The following DYNC1H1 variants were observed in gnomAD, a reference collection of about 807,000 sequenced individuals.
DYNC1H1 encodes the protein dynein cytoplasmic 1 heavy chain 1.
DYNC1H1 carries 51 observed loss-of-function variants against 527.1 expected under a neutral mutation model. That is an observed-to-expected ratio of 0.10 (90% CI 0.08 to 0.12). DYNC1H1 has a LOEUF of 0.12. Ranked by LOEUF, DYNC1H1 falls within the 10% of genes least tolerant of loss-of-function variation. The pLI, the probability that DYNC1H1 is intolerant of heterozygous loss-of-function variation, is 1.00. For synonymous variants in DYNC1H1, 2,189 were observed against 2,278.8 expected (o/e 0.96, Z 1.12); for missense variants, 2,771 against 5,971.8 (o/e 0.46, Z 17.66).
At position 102,017,408 on chromosome 14, in the gene DYNC1H1, G is replaced by T. The variant is rs1387895396; in HGVS notation, c.8081G>T (p.Arg2694Leu). 1.2e-6 allele frequency: 2 copies of T among 1,614,124 alleles called. No homozygotes were observed. The highest frequency in any genetic ancestry group is 1.7e-6 in the Non-Finnish European group (2 of 1,180,028). ...RQMVEHGGFY[R>L]TSDQTWVKLE... ...ATGGTGGAGCACGGAGGCTTTTACC[G>T]TACCTCAGATCAAACATGGGTGAAG... is the stretch of plus-strand genomic sequence containing the variant. The change falls in exon 40 of 78, where the codon CGT becomes CTT. Residue 2694 changes from arginine (R) to leucine (L), a missense_variant. Around this residue, in one of 32 missense-constraint regions of DYNC1H1, gnomAD observed 163 missense variants for 346.9 expected, o/e 0.47. Coordinates refer to ENST00000360184, the MANE Select transcript of DYNC1H1 (RefSeq NM_001376.5). This position sits in a 1 kb window ranked among gnomAD's most constrained non-coding sequence, Gnocchi z 4.6.
chr14:102,042,885 T>G lies in DYNC1H1; in HGVS notation c.12513+137T>G. Reference sequence around the variant, plus strand: ...CACAGCTGCTTTTGCTTTTCAGCTGTAGGTAAAATTTCCTTCCATGGCCGG... The same window carrying G: ...CACAGCTGCTTTTGCTTTTCAGCTGGAGGTAAAATTTCCTTCCATGGCCGG... On this transcript the variant is annotated intron_variant, in intron 69 of 77. Transcript: ENST00000360184. The surrounding 1 kb of genome is among the most constrained non-coding windows in gnomAD (Gnocchi z 5.7). 9.7e-7 allele frequency: 1 copy of G among 1,035,744 alleles called. No homozygotes were observed. Among genetic ancestry groups the G allele is most frequent in the Non-Finnish European group, 1.5e-6 (1 of 686,454 alleles). 64.2% of individuals were successfully genotyped at this position (1,035,744 alleles called of 1,614,324 possible). A position where few individuals can be genotyped will look rare whatever the true frequency, so the allele number is the denominator to read the frequency against.
Position 102,049,876 on chromosome 14 carries a change from G to A in DYNC1H1, c.13678G>A (p.Val4560Ile). 2.5e-6 allele frequency: 4 copies of A among 1,612,168 alleles called. No individual in the cohort carries two copies. Among genetic ancestry groups the A allele is most frequent in the Non-Finnish European group, 3.4e-6 (4 of 1,179,796 alleles). Residue 4560 changes from valine (V) to isoleucine (I), a missense_variant, in exon 76 of 78, where the codon GTC (valine) becomes ATC (isoleucine). Val to Ile is a conservative substitution (Grantham distance 29). This residue lies in a region of DYNC1H1 where 106 missense variants were observed against 139.2 expected (regional missense o/e 0.76). Transcript: ENST00000360184. The surrounding 1 kb of genome is among the most constrained non-coding windows in gnomAD (Gnocchi z 5.5). ...CACCCTTGACGCTTGCAGCTTCGGA[G>A]TCACGGGTGAGTGGAGTCTCACAGA... ...GATLDACSFG[V>I]TGLKLQGATC...
At chr14:102,048,847 T>C in intron 74 of DYNC1H1, 178 bp downstream of exon 74, 1 of 667,198 alleles carries the variant, frequency 1.5e-6, no homozygotes, top group South Asian at 1.8e-5. Flanking sequence ...TTAGAAATGC[T>C]GAAGAATTTG....
intron 43 of DYNC1H1, among the ~76,000 whole-genome samples, chr14:102,025,565 G>GAAAAAAAAAAAAAAAAAA (rs3067914): frequency 9.8e-6 from 1 of 102,342 alleles, no homozygotes; most frequent in Non-Finnish European, 1.9e-5. Flanking sequence ...CTGTCTCAAG[G>GAAAAAAAAAAAAAAAAAA]AAAAAAAAAA....
intron 72 of DYNC1H1, chr14:102,047,550 TAC>T (rs201482485): frequency 5.5e-4 from 122 of 222,788 alleles, no homozygotes; most frequent in Middle Eastern, 1.8e-3. Context: ...AATATATATA[TAC>T]ACACACACAC....
At chr14:102,040,094 C>A in intron 62 of DYNC1H1, 142 bp from the exon 63 acceptor site, 1 of 1,172,288 alleles carries the variant, frequency 8.5e-7, no homozygotes, top group Non-Finnish European at 1.3e-6. Context: ...ATCCGCCCAC[C>A]TCGGCCTCCC....
intron 25 of DYNC1H1, 22 bp downstream of exon 25, chr14:102,004,972 T>G (rs1486168153): frequency 6.2e-7 from 1 of 1,614,020 alleles, no homozygotes; most frequent in Non-Finnish European, 8.5e-7. Context: ...TAGAAGTGAG[T>G]GGGCTCGTGG....
In DYNC1H1 at chr14:102,026,565, T is replaced by C. The variant is rs1468196966; in HGVS notation, c.8638-9T>C. 1.2e-6 allele frequency: 2 copies of C among 1,613,974 alleles called. No individual in the cohort carries two copies. The highest frequency in any genetic ancestry group is 3.3e-5 in the Admixed American group (2 of 59,986). Reference sequence around the variant, plus strand: ...CTAAGTAATTTGGGTATTACCTTTTTTTCTATAGGATTACATCCCAGTAGA... The same window carrying C: ...CTAAGTAATTTGGGTATTACCTTTTCTTCTATAGGATTACATCCCAGTAGA... On this transcript the variant is annotated splice_polypyrimidine_tract_variant and intron_variant, in intron 43 of 77. Transcript: ENST00000360184.
At position 101,964,706 on chromosome 14, in the gene DYNC1H1, G is replaced by A. The variant is rs757038886; in HGVS notation, c.15G>A (p.Gly5=). The A allele has an allele frequency of 1.0e-5, 16 of 1,595,416 alleles. No individual in the cohort carries two copies. The highest frequency in any genetic ancestry group is 1.4e-5 in the Non-Finnish European group (16 of 1,175,748). The change falls in exon 1 of 78, where the codon GGG becomes GGA. Residue 5 remains glycine, a synonymous_variant. Coordinates refer to ENST00000360184, the MANE Select transcript of DYNC1H1 (RefSeq NM_001376.5). This position sits in a 1 kb window ranked among gnomAD's most constrained non-coding sequence, Gnocchi z 5.5. ...AGCGCGACACCATGTCGGAGCCCGG[G>A]GGCGGCGGCGGCGAGGACGGCTCGG... MSEP[G]GGGGEDGSAG...
At position 102,050,612 on chromosome 14, in the gene DYNC1H1, TTTA is replaced by T; in HGVS notation, c.*52_*54del. 1 of 1,613,648 alleles carries T rather than the reference TTTA, an allele frequency of 6.2e-7. No individual in the cohort carries two copies. The highest frequency in any genetic ancestry group is 1.7e-5 in the Admixed American group (1 of 60,020). ...TAATAGTGAAAGTTGGTATTTAACA[TTTA>T]TTCATTTTTAAAATATTTGGAAGGT... On this transcript the variant is annotated 3_prime_UTR_variant, in exon 78 of 78. Coordinates refer to ENST00000360184, the MANE Select transcript of DYNC1H1 (RefSeq NM_001376.5).
chr14:102,008,247 C>T lies in DYNC1H1; in HGVS notation c.5887C>T (p.Leu1963=). The T allele has an allele frequency of 6.2e-7, 1 of 1,614,232 alleles. No individual in the cohort carries two copies. Among genetic ancestry groups the T allele is most frequent in the Non-Finnish European group, 8.5e-7 (1 of 1,180,050 alleles). The change falls in exon 29 of 78, where the codon CTG becomes TTG. Residue 1963 remains leucine, a synonymous_variant. Coordinates refer to ENST00000360184, the MANE Select transcript of DYNC1H1 (RefSeq NM_001376.5). Reference sequence around the variant, plus strand: ...GGGCTGCTTTGACGAGTTCAACCGCCTGGAGGAGCGGATGCTCTCGGCTGT... The same window carrying T: ...GGGCTGCTTTGACGAGTTCAACCGCTTGGAGGAGCGGATGCTCTCGGCTGT... The part of the protein sequence containing the change: ...AWGCFDEFNR[L]EERMLSAVSQ...
chr14:101,980,312 T>G lies in DYNC1H1; in HGVS notation c.775-52T>G, dbSNP rs1329501419. 1.4e-5 allele frequency: 23 copies of G among 1,600,026 alleles called. 1 individual carries two copies. The Admixed American group carries it at 1.5e-4, about 10-fold the overall frequency. On this transcript the variant is annotated intron_variant, in intron 4 of 77. Transcript: ENST00000360184. ...GCATGTGTTTTGTTAACGATATCTA[T>G]TCTACCTTGTTTAAATAGTGAATAC...
At chr14:102,032,967 G>C in intron 52 of DYNC1H1, 98 bp from the exon 53 acceptor site, 1 of 1,266,150 alleles carries the variant, frequency 7.9e-7, no homozygotes, top group Non-Finnish European at 1.2e-6. Context: ...GGGGCAATGA[G>C]ATGGGAGCTG....
rs949793982 is a variant in DYNC1H1, at chr14:102,050,894, A to C, written c.*331A>C. ...GCCCACGGCAGCCATGCCCCTCCCC[A>C]CCTCGCTTTCATCATGAGCTCGCTC... On this transcript the variant is annotated 3_prime_UTR_variant, in exon 78 of 78. Transcript: ENST00000360184. 10 of 376,440 alleles carry C rather than the reference A, an allele frequency of 2.7e-5. No homozygotes were observed. Among genetic ancestry groups the C allele is most frequent in the Non-Finnish European group, 4.1e-5 (8 of 197,180 alleles). 23.3% of individuals were successfully genotyped at this position (376,440 alleles called of 1,614,324 possible). A position where few individuals can be genotyped will look rare whatever the true frequency, so the allele number is the denominator to read the frequency against.
rs1318726169 is a variant in DYNC1H1 at position 101,994,221 on chromosome 14, T to C, written c.3053T>C (p.Phe1018Ser). ...TACGAATTGACTGAGGAAGAGAAAT[T>C]CTATCGGAATGCTTTAACACGGATG... Reference protein sequence around the residue: ...VHYELTEEEKFYRNALTRMPD... With the variant: ...VHYELTEEEKSYRNALTRMPD... The change falls in exon 12 of 78, where the codon TTC (phenylalanine) becomes TCC (serine). Residue 1018 changes from phenylalanine (F) to serine (S), a missense_variant. This residue lies in a region of DYNC1H1 where 179 missense variants were observed against 349.4 expected (regional missense o/e 0.51). Coordinates refer to ENST00000360184, the MANE Select transcript of DYNC1H1 (RefSeq NM_001376.5). 1.9e-6 allele frequency: 3 copies of C among 1,614,104 alleles called. No homozygotes were observed. The highest frequency in any genetic ancestry group is 2.5e-6 in the Non-Finnish European group (3 of 1,180,040).
chr14:102,036,391 C>CTA lies in DYNC1H1; in HGVS notation c.10755-96_10755-95dup. 1.3e-5 allele frequency: 20 copies of CTA among 1,534,876 alleles called. No homozygotes were observed. Among genetic ancestry groups the CTA allele is most frequent in the Non-Finnish European group, 1.7e-5 (19 of 1,113,876 alleles). Reference sequence around the variant, plus strand: ...ACCACTCTCGGGTGGTGGTAACAGCCTATCAATCAGGGTCTCTCATCAGGG... The same window carrying CTA: ...ACCACTCTCGGGTGGTGGTAACAGCCTATATCAATCAGGGTCTCTCATCAGGG... On this transcript the variant is annotated intron_variant, in intron 56 of 77. Transcript: ENST00000360184. This position sits in a 1 kb window ranked among gnomAD's most constrained non-coding sequence, Gnocchi z 5.6.
chr14:102,011,221 T>A lies in DYNC1H1; in HGVS notation c.6618+269T>A. On this transcript the variant is annotated intron_variant, in intron 32 of 77. Coordinates refer to ENST00000360184, the MANE Select transcript of DYNC1H1 (RefSeq NM_001376.5). This position sits in a 1 kb window ranked among gnomAD's most constrained non-coding sequence, Gnocchi z 5.3. The stretch of plus-strand genomic sequence containing the variant: ...CATGACTATATTGGAAAGTTGTTTA[T>A]ACTGATAAAAATTCTGCTTACCAGA... 2.0e-6 allele frequency: 1 copy of A among 489,154 alleles called. No individual in the cohort carries two copies. The highest frequency in any genetic ancestry group is 3.7e-6 in the Non-Finnish European group (1 of 268,114). 30.3% of individuals were successfully genotyped at this position (489,154 alleles called of 1,614,324 possible). A position where few individuals can be genotyped will look rare whatever the true frequency, so the allele number is the denominator to read the frequency against.
Position 101,994,528 on chromosome 14 carries a change from T to C in DYNC1H1, c.3157-145T>C, listed in dbSNP as rs578066892. On this transcript the variant is annotated intron_variant, in intron 12 of 77. Transcript: ENST00000360184. Reference sequence around the variant, plus strand: ...TGACGTTCAAGAATCTTTTTTGATATGAAAATTCTGAGAGTCTGAAGTGAG... The same window carrying C: ...TGACGTTCAAGAATCTTTTTTGATACGAAAATTCTGAGAGTCTGAAGTGAG... The C allele has an allele frequency of 4.1e-5, 55 of 1,325,596 alleles. No homozygotes were observed. In the Admixed American group the frequency reaches 7.8e-4, roughly 19 times the overall value. 82.1% of individuals were successfully genotyped at this position (1,325,596 alleles called of 1,614,324 possible).
rs2141285890 is a variant in DYNC1H1 at position 102,001,156 on chromosome 14, G to A, written c.4197G>A (p.Leu1399=). The A allele has an allele frequency of 2.5e-6, 4 of 1,614,170 alleles. No individual in the cohort carries two copies. Among genetic ancestry groups the A allele is most frequent in the Non-Finnish European group, 3.4e-6 (4 of 1,180,042 alleles). The change falls in exon 20 of 78, where the codon CTG becomes CTA. Residue 1399 remains leucine (L), a synonymous_variant. Transcript: ENST00000360184. The surrounding 1 kb of genome is among the most constrained non-coding windows in gnomAD (Gnocchi z 5.0). ...TACTTTCTCCACAGATAAATATGCT[G>A]GTGATTGAACTGAAATCCGAAGCAC... ...LLKGYMKINM[L]VIELKSEALK... is the part of the protein sequence containing the mutation.
Sources: allele counts gnomAD v4.1 joint callset (sites outside exome capture counted in the v4.1 genomes callset), GRCh38; gene constraint gnomAD v4.1.1; regional missense constraint gnomAD v4.1.1; non-coding constraint Gnocchi (gnomAD v3.1); transcripts MANE v1.5; gene names NCBI Gene and HGNC (gene_info 2026-07-23, HGNC 2026-07-21).